ZMAT4: variants seen among roughly 807,000 people sequenced by gnomAD.
ZMAT4 encodes the protein zinc finger matrin-type 4, also known as zinc finger matrin-type protein 4.
In ZMAT4, 17 loss-of-function variants were observed where a neutral mutation model predicts 28.7. The observed-to-expected ratio is 0.59, with a 90% CI of 0.41 to 0.89. The LOEUF is 0.89. Ranked by LOEUF, ZMAT4 falls within the 40% of genes least tolerant of loss-of-function variation. ZMAT4 has a pLI of 0.00. For missense variants in ZMAT4, 240 were observed against 283.8 expected, an observed-to-expected ratio of 0.85 and a Z score of 1.11; for synonymous variants, 117 against 109.2, an observed-to-expected ratio of 1.07 and a Z score of -0.44.
At chr8:40,825,997 G>A (rs572346718) in intron 1 of ZMAT4, among the ~76,000 whole-genome samples, 28 of 152,276 alleles carry the variant, frequency 1.8e-4, no homozygotes, top group African/African-American at 3.4e-4. Context: ...CGTGGCTCAC[G>A]CCTGTAGTCC....
At chr8:40,612,925 G>C (rs1046871626) in intron 5 of ZMAT4, among the ~76,000 whole-genome samples, 11 of 149,938 alleles carry the variant, frequency 7.3e-5, no homozygotes, top group Non-Finnish European at 1.3e-4. Context: ...TGATTCTCCT[G>C]CCTCAGCCTC....
At chr8:40,880,775 C>T (rs1320689574) in intron 1 of ZMAT4, among the ~76,000 whole-genome samples, 2 of 152,158 alleles carry the variant, frequency 1.3e-5, no homozygotes, top group African/African-American at 4.8e-5. Flanking sequence ...GGGAGTTAAA[C>T]ATCCTTCCAT....
At chr8:40,809,312 G>T (rs550006345) in intron 2 of ZMAT4, among the ~76,000 whole-genome samples, 1 of 152,250 alleles carries the variant, frequency 6.6e-6, no homozygotes, top group East Asian at 1.9e-4. Flanking sequence ...AACAGACACT[G>T]CTGACTACTG....
At chr8:40,867,678 A>G (rs1042805965) in intron 1 of ZMAT4, among the ~76,000 whole-genome samples, 2 of 152,130 alleles carry the variant, frequency 1.3e-5, no homozygotes, top group Non-Finnish European at 2.9e-5. Context: ...TCAGATGTTC[A>G]CACAGCTCAA....
At chr8:40,824,182 CAAAAAG>C (rs1269979623) in intron 2 of ZMAT4, among the ~76,000 whole-genome samples, 1 of 152,140 alleles carries the variant, frequency 6.6e-6, no homozygotes, top group Non-Finnish European at 1.5e-5. Context: ...ACTTGTCAGA[CAAAAAG>C]AAAATTGCTG....
intron 5 of ZMAT4, among the ~76,000 whole-genome samples, chr8:40,591,351 C>A (rs2118581190): frequency 6.6e-6 from 1 of 152,292 alleles, no homozygotes; most frequent in East Asian, 1.9e-4. Context: ...CCATAGGTAC[C>A]TCCAGCTCCC....
intron 5 of ZMAT4, among the ~76,000 whole-genome samples, chr8:40,599,830 C>A (rs1805237191): frequency 6.6e-6 from 1 of 152,168 alleles, no homozygotes; most frequent in Non-Finnish European, 1.5e-5. Flanking sequence ...CCCCGCCCCT[C>A]CTCCCAGTGA....
chr8:40,740,782 G>A (rs776373564), intron 3 of ZMAT4, among the ~76,000 whole-genome samples: 5 of 152,134 alleles, frequency 3.3e-5, no homozygotes, highest in South Asian at 2.1e-4. Flanking sequence ...CACATAAAAC[G>A]AACGAACTGG....
At chr8:40,882,195 TAG>T (rs1250107801) in intron 1 of ZMAT4, among the ~76,000 whole-genome samples, 6 of 152,192 alleles carry the variant, frequency 3.9e-5, no homozygotes, top group Non-Finnish European at 8.8e-5. Flanking sequence ...CAGCTCAGGT[TAG>T]AGAGATCGAT....
intron 5 of ZMAT4, among the ~76,000 whole-genome samples, chr8:40,610,534 G>A (rs1293921632): frequency 6.6e-6 from 1 of 152,032 alleles, no homozygotes; most frequent in Admixed American, 6.6e-5. Context: ...CATTTGTCTG[G>A]GAAGCGTGAT....
intron 3 of ZMAT4, among the ~76,000 whole-genome samples, chr8:40,755,661 C>T (rs909662547): frequency 6.6e-5 from 10 of 152,124 alleles, no homozygotes; most frequent in Non-Finnish European, 1.5e-4. Flanking sequence ...CCATGTTGTC[C>T]ACTCTGGTCT....
intron 6 of ZMAT4, among the ~76,000 whole-genome samples, chr8:40,561,911 TA>T (rs1703471884): frequency 6.6e-6 from 1 of 152,120 alleles, no homozygotes; most frequent in Non-Finnish European, 1.5e-5. Context: ...ATCCCTGTTA[TA>T]AATCCATGTG....
At chr8:40,896,064 C>T (rs1173654601) in intron 1 of ZMAT4, among the ~76,000 whole-genome samples, 1 of 151,808 alleles carries the variant, frequency 6.6e-6, no homozygotes. Flanking sequence ...ATTTTGACAC[C>T]CCCCCCAAAA....
chr8:40,817,558 C>T (rs1431024628), intron 2 of ZMAT4, among the ~76,000 whole-genome samples: 2 of 152,192 alleles, frequency 1.3e-5, no homozygotes, highest in Non-Finnish European at 2.9e-5. Flanking sequence ...TGTGGACCAG[C>T]GATTTCTCTT....
At chr8:40,545,928 A>G (rs1454815134) in intron 6 of ZMAT4, among the ~76,000 whole-genome samples, 1 of 136,168 alleles carries the variant, frequency 7.3e-6, no homozygotes, top group Non-Finnish European at 1.5e-5. Flanking sequence ...TGAAATGCTG[A>G]CCCCCTCACC....
chr8:40,794,917 G>A (rs1251057754), intron 2 of ZMAT4, among the ~76,000 whole-genome samples: 1 of 152,056 alleles, frequency 6.6e-6, no homozygotes, highest in Non-Finnish European at 1.5e-5. Context: ...GTGGCAAATG[G>A]AATCTCATTT....
intron 3 of ZMAT4, among the ~76,000 whole-genome samples, chr8:40,760,065 C>T (rs952861779): frequency 2.2e-4 from 34 of 152,152 alleles, no homozygotes; most frequent in African/African-American, 7.7e-4. Context: ...CACTCTTATG[C>T]TTGTGCGAGC....
At chr8:40,693,583 C>G (rs1809748494) in intron 4 of ZMAT4, among the ~76,000 whole-genome samples, 1 of 152,214 alleles carries the variant, frequency 6.6e-6, no homozygotes, top group Admixed American at 6.5e-5. Flanking sequence ...ATCATCCAGT[C>G]TCTAGATCAA....
chr8:40,814,105 A>C (rs1269070122), intron 2 of ZMAT4, among the ~76,000 whole-genome samples: 1 of 146,548 alleles, frequency 6.8e-6, no homozygotes. Flanking sequence ...GGATCCTCTG[A>C]GAAAGTGATA....
Sources: allele counts gnomAD v4.1 joint callset (sites outside exome capture counted in the v4.1 genomes callset), GRCh38; gene constraint gnomAD v4.1.1; transcripts MANE v1.5; gene names NCBI Gene and HGNC (gene_info 2026-07-23, HGNC 2026-07-21).